Variants in UHRF2 observed in about 807,000 individuals in gnomAD.
UHRF2 encodes the protein ubiquitin like with PHD and ring finger domains 2.
UHRF2 carries 23 observed loss-of-function variants against 96.8 expected under a neutral mutation model. That is an observed-to-expected ratio of 0.24 (90% CI 0.17 to 0.34). The LOEUF (loss-of-function observed/expected upper bound fraction) is 0.34, where lower values mean the gene tolerates loss of function less well. Among genes scored for constraint, UHRF2 ranks in the 10% least tolerant of loss-of-function variants. UHRF2 has a pLI of 1.00. For synonymous variants in UHRF2, 385 were observed against 332.6 expected (o/e 1.16, Z -1.72); for missense variants, 685 against 981.5 (o/e 0.70, Z 4.04).
intron 14 of UHRF2, among the ~76,000 whole-genome samples, chr9:6,503,424 C>T (rs1816402979): frequency 6.6e-6 from 1 of 151,536 alleles, no homozygotes; most frequent in South Asian, 2.1e-4. Context: ...AAAAAACCAG[C>T]CAAGATGAAA....
intron 14 of UHRF2, 105 bp downstream of exon 14, chr9:6,500,814 T>G: frequency 8.9e-7 from 1 of 1,120,230 alleles, no homozygotes; most frequent in Non-Finnish European, 1.2e-6. Flanking sequence ...TTCATCCTTC[T>G]ACCCGGTTTT....
intron 9 of UHRF2, among the ~76,000 whole-genome samples, chr9:6,489,633 T>C (rs1824532598): frequency 6.6e-6 from 1 of 152,226 alleles, no homozygotes; most frequent in African/African-American, 2.4e-5. Context: ...GATATCTTAT[T>C]GTTGGACGTG....
intron 2 of UHRF2, among the ~76,000 whole-genome samples, chr9:6,431,725 A>C (rs1563750503): frequency 1.3e-5 from 2 of 152,144 alleles, no homozygotes; most frequent in Non-Finnish European, 2.9e-5. Context: ...TGTTAACTTT[A>C]GTTTATTGTT....
At chr9:6,461,365 C>CTCTCCCCCTCCTCCTT (rs1563775142) in intron 4 of UHRF2, among the ~76,000 whole-genome samples, 9 of 91,562 alleles carry the variant, frequency 9.8e-5, no homozygotes, top group Non-Finnish European at 1.9e-4. Context: ...CCCCCCTCCT[C>CTCTCCCCCTCCTCCTT]CTCTCCCCCT....
chr9:6,477,272 C>A (rs1185382501), intron 5 of UHRF2, among the ~76,000 whole-genome samples: 2 of 150,576 alleles, frequency 1.3e-5, no homozygotes, highest in Non-Finnish European at 2.9e-5. Context: ...CATCTGTAAT[C>A]CCAGCACTTT....
At chr9:6,424,968 A>G (rs1820161641) in intron 2 of UHRF2, among the ~76,000 whole-genome samples, 1 of 152,076 alleles carries the variant, frequency 6.6e-6, no homozygotes, top group South Asian at 2.1e-4. Flanking sequence ...GCTAAGTATA[A>G]CTTAGGTTTT....
chr9:6,467,196 C>T (rs985854933), intron 4 of UHRF2, among the ~76,000 whole-genome samples: 2 of 152,114 alleles, frequency 1.3e-5, no homozygotes, highest in African/African-American at 4.8e-5. Context: ...TTGCCTTTAC[C>T]ATGTTTCAGA....
intron 3 of UHRF2, among the ~76,000 whole-genome samples, chr9:6,457,712 A>T (rs1200893833): frequency 6.6e-6 from 1 of 152,204 alleles, no homozygotes; most frequent in Non-Finnish European, 1.5e-5. Flanking sequence ...AGTTTTTAGC[A>T]TGAAGGGGTT....
At chr9:6,426,009 A>T (rs1391438173) in intron 2 of UHRF2, among the ~76,000 whole-genome samples, 1 of 152,208 alleles carries the variant, frequency 6.6e-6, no homozygotes, top group Non-Finnish European at 1.5e-5. Flanking sequence ...GGGCATTGAC[A>T]GGATGGATTT....
chr9:6,450,637 C>G (rs1019861943), intron 3 of UHRF2, among the ~76,000 whole-genome samples: 2 of 152,056 alleles, frequency 1.3e-5, no homozygotes, highest in Admixed American at 6.6e-5. Context: ...AAAGGTTGAC[C>G]GGTGAGATTG....
intron 3 of UHRF2, among the ~76,000 whole-genome samples, chr9:6,451,347 T>G (rs1821848325): frequency 6.6e-6 from 1 of 152,242 alleles, no homozygotes; most frequent in Non-Finnish European, 1.5e-5. Flanking sequence ...TTAATTGTGT[T>G]TATAATTATG....
chr9:6,465,595 A>G (rs1822812642), intron 4 of UHRF2, among the ~76,000 whole-genome samples: 1 of 152,206 alleles, frequency 6.6e-6, no homozygotes, highest in Admixed American at 6.5e-5. Context: ...TGGTACCTAC[A>G]TCTTTTTAAT....
intron 3 of UHRF2, among the ~76,000 whole-genome samples, chr9:6,437,661 A>T (rs1820931790): frequency 6.6e-6 from 1 of 152,156 alleles, no homozygotes; most frequent in Non-Finnish European, 1.5e-5. Flanking sequence ...ACTGTGGCCC[A>T]GGCTGGAGTG....
At chr9:6,499,225 T>A (rs1020803167) in intron 12 of UHRF2, 1 of 152,298 alleles carries the variant, frequency 6.6e-6, no homozygotes, top group Non-Finnish European at 1.5e-5. Context: ...ATGACTGTTA[T>A]TACAAAGCAT....
At chr9:6,436,572 A>T (rs1288259983) in intron 3 of UHRF2, among the ~76,000 whole-genome samples, 1 of 152,234 alleles carries the variant, frequency 6.6e-6, no homozygotes, top group African/African-American at 2.4e-5. Flanking sequence ...TGTTTGGCAA[A>T]TAATATTATG....
At chr9:6,493,360 A>C (rs1824782175) in intron 9 of UHRF2, among the ~76,000 whole-genome samples, 1 of 152,156 alleles carries the variant, frequency 6.6e-6, no homozygotes, top group Non-Finnish European at 1.5e-5. Context: ...ATTTATTGTC[A>C]ATGCCAGAAT....
intron 9 of UHRF2, 152 bp from the exon 10 acceptor site, chr9:6,493,674 G>A (rs1824806160): frequency 1.6e-6 from 1 of 618,822 alleles, no homozygotes; most frequent in Non-Finnish European, 2.8e-6. Context: ...CTACACACAA[G>A]ATTGCATTTA....
chr9:6,492,327 T>C, intron 9 of UHRF2: 1 of 1,249,476 alleles, frequency 8.0e-7, no homozygotes, highest in Non-Finnish European at 1.0e-6. Flanking sequence ...AATATGAATA[T>C]TGTGGAGTCT....
At chr9:6,477,184 G>A (rs1823627953) in intron 5 of UHRF2, among the ~76,000 whole-genome samples, 1 of 151,906 alleles carries the variant, frequency 6.6e-6, no homozygotes, top group African/African-American at 2.4e-5. Context: ...AGTGAGCTAA[G>A]ATTGGCACCA....
Sources: allele counts gnomAD v4.1 joint callset (sites outside exome capture counted in the v4.1 genomes callset), GRCh38; gene constraint gnomAD v4.1.1; transcripts MANE v1.5; gene names NCBI Gene and HGNC (gene_info 2026-07-23, HGNC 2026-07-21).